PTPRD: variants seen among roughly 807,000 people sequenced by gnomAD.
The protein encoded by PTPRD is protein tyrosine phosphatase receptor type D, also known as receptor-type tyrosine-protein phosphatase delta.
Under a neutral mutation model 214.5 loss-of-function variants are expected in PTPRD, and 34 were observed. The observed-to-expected ratio is 0.16, with a 90% CI of 0.12 to 0.21. The LOEUF (loss-of-function observed/expected upper bound fraction) is 0.21. PTPRD is among the 10% of genes least tolerant of loss of function. The pLI is 1.00. For missense variants in PTPRD, 2,545 were observed against 2,398.7 expected, an observed-to-expected ratio of 1.06 and a Z score of -1.27; for synonymous variants, 1,128 against 845.7, an observed-to-expected ratio of 1.33 and a Z score of -5.79.
chr9:8,518,368 C>T lies in PTPRD; in HGVS notation c.1023G>A (p.Leu341=), dbSNP rs1047278793. Residue 341 remains leucine, a synonymous_variant, in exon 21 of 46, where the codon CTG becomes CTA. Transcript: ENST00000381196. ...GCTCAGGGTTCCCAGAGTCCCACGT[C>T]AGTGTGATGCTTGTAGCTGTGCTCT... ...VTESTATSIT[L]TWDSGNPEPV... is the part of the protein sequence containing the mutation. 1 of 1,613,992 alleles carries T rather than the reference C, an allele frequency of 6.2e-7. No individual in the cohort carries two copies. Among genetic ancestry groups the T allele is most frequent in the Non-Finnish European group, 8.5e-7 (1 of 1,179,946 alleles).
At chr9:8,904,538 G>A (rs1329602504) in intron 11 of PTPRD, among the ~76,000 whole-genome samples, 2 of 151,996 alleles carry the variant, frequency 1.3e-5, no homozygotes, top group East Asian at 1.9e-4. Flanking sequence ...CAGCTATGGT[G>A]GCGCATGCCT....
chr9:9,336,249 G>A (rs571665402), intron 9 of PTPRD, among the ~76,000 whole-genome samples: 3 of 151,912 alleles, frequency 2.0e-5, no homozygotes, highest in African/African-American at 4.9e-5. Flanking sequence ...TAGCTCTGAT[G>A]TTATCTCTGG....
rs558429762 is a variant in PTPRD, at chr9:8,913,727, A to G, written c.-104+104970T>C. Among the ~76,000 whole-genome samples the G allele has an allele frequency of 4.2e-4, 64 of 152,242 alleles. 2 individuals are homozygous for G. The South Asian group carries it at 0.013, about 32-fold the overall frequency. On this transcript the variant is annotated intron_variant, in intron 11 of 45. Coordinates refer to ENST00000381196, the MANE Select transcript of PTPRD (RefSeq NM_002839.4). Reference sequence around the variant, plus strand: ...GTCTTCCAAATGAAGAGTGACTAGAAAGAGTGAAGAAATTCATGCTATCAA... The same window carrying G: ...GTCTTCCAAATGAAGAGTGACTAGAGAGAGTGAAGAAATTCATGCTATCAA...
intron 3 of PTPRD, among the ~76,000 whole-genome samples, chr9:10,093,198 G>A (rs1335475964): frequency 6.6e-6 from 1 of 151,352 alleles, no homozygotes; most frequent in African/African-American, 2.4e-5. Flanking sequence ...AGCAAACTAT[G>A]CATCAAGAAA....
At chr9:8,776,308 G>A (rs1280688787) in intron 11 of PTPRD, among the ~76,000 whole-genome samples, 2 of 152,092 alleles carry the variant, frequency 1.3e-5, no homozygotes, top group African/African-American at 2.4e-5. Flanking sequence ...AGGCATTTTT[G>A]TTTTTATTTT....
intron 9 of PTPRD, among the ~76,000 whole-genome samples, chr9:9,319,522 T>G (rs1302222430): frequency 6.6e-6 from 1 of 152,188 alleles, no homozygotes; most frequent in Non-Finnish European, 1.5e-5. Flanking sequence ...TTCTGGTAAT[T>G]TAAATGTTAT....
intron 5 of PTPRD, among the ~76,000 whole-genome samples, chr9:9,774,805 A>C (rs147018790): frequency 6.6e-6 from 1 of 152,144 alleles, no homozygotes; most frequent in Admixed American, 6.5e-5. Context: ...CGTTTTGTTA[A>C]CATATTGTAA....
At chr9:9,282,096 TAAGG>T (rs79541900) in intron 9 of PTPRD, among the ~76,000 whole-genome samples, 19,633 of 150,762 alleles carry the variant, frequency 0.13, 1,594 homozygotes, top group Middle Eastern at 0.2. Context: ...TTACCCAGAG[TAAGG>T]AAGGAAGAAT....
At chr9:9,609,647 G>A (rs1311022082) in intron 7 of PTPRD, among the ~76,000 whole-genome samples, 2 of 152,148 alleles carry the variant, frequency 1.3e-5, no homozygotes, top group African/African-American at 4.8e-5. Flanking sequence ...ATTTTTAGTA[G>A]AGATGGGGTT....
chr9:8,722,123 C>CTGTGTGTGTG (rs34720946), intron 12 of PTPRD, among the ~76,000 whole-genome samples: 1,655 of 147,444 alleles, frequency 0.011, 19 homozygotes, highest in African/African-American at 0.013. Context: ...AAGTATTACT[C>CTGTGTGTGTG]TGTGTGTGTG....
chr9:9,733,488 T>G (rs918890927), intron 7 of PTPRD, among the ~76,000 whole-genome samples: 6 of 152,166 alleles, frequency 3.9e-5, no homozygotes, highest in Non-Finnish European at 7.3e-5. Flanking sequence ...AGTGTGAACT[T>G]GAAGGATGAA....
At chr9:9,069,225 T>C (rs1276298397) in intron 10 of PTPRD, among the ~76,000 whole-genome samples, 1 of 152,104 alleles carries the variant, frequency 6.6e-6, no homozygotes, top group Admixed American at 6.5e-5. Flanking sequence ...TAAATGAAAA[T>C]AGCCCCAAAT....
In PTPRD at chr9:8,359,715, C is replaced by T. The variant is rs572600423; in HGVS notation, c.4661+16221G>A. On this transcript the variant is annotated intron_variant, in intron 39 of 45. Coordinates refer to ENST00000381196, the MANE Select transcript of PTPRD (RefSeq NM_002839.4). ...AGCCACCCATCAAGCCATTCTCTTG[C>T]ATTTTACAGGTGGAGAGACTCAGGA... Among the ~76,000 whole-genome samples, 12 of 152,260 alleles carry T rather than the reference C, an allele frequency of 7.9e-5. 2 individuals carry two copies. Among genetic ancestry groups the T allele is most frequent in the Admixed American group, 4.6e-4 (7 of 15,292 alleles).
intron 14 of PTPRD, among the ~76,000 whole-genome samples, chr9:8,558,313 A>C (rs1398796259): frequency 6.6e-6 from 1 of 152,226 alleles, no homozygotes; most frequent in Admixed American, 6.5e-5. Flanking sequence ...CTTGCCAGGA[A>C]GAATAAACAT....
chr9:8,669,017 T>G (rs2097223379), intron 12 of PTPRD, among the ~76,000 whole-genome samples: 1 of 151,930 alleles, frequency 6.6e-6, no homozygotes, highest in Admixed American at 6.6e-5. Flanking sequence ...CTGAACAGCT[T>G]TGTGGGGAGT....
chr9:9,721,143 T>A (rs1400201160), intron 7 of PTPRD, among the ~76,000 whole-genome samples: 1 of 148,214 alleles, frequency 6.7e-6, no homozygotes. Flanking sequence ...AAAGTAAAAA[T>A]TAAATAAAAT....
At chr9:10,418,380 TC>T (rs1319851418) in intron 2 of PTPRD, among the ~76,000 whole-genome samples, 1 of 151,168 alleles carries the variant, frequency 6.6e-6, no homozygotes, top group African/African-American at 2.4e-5. Flanking sequence ...AAAGTAGGAT[TC>T]CATTGTGAGA....
At chr9:8,632,963 G>A (rs895214345) in intron 14 of PTPRD, among the ~76,000 whole-genome samples, 86 of 151,982 alleles carry the variant, frequency 5.7e-4, no homozygotes, top group South Asian at 1.7e-3. Flanking sequence ...TGTAAAAAAC[G>A]TAGCTGCTGA....
chr9:8,479,428 T>G (rs1446283869), intron 30 of PTPRD, among the ~76,000 whole-genome samples: 2 of 152,248 alleles, frequency 1.3e-5, no homozygotes, highest in African/African-American at 4.8e-5. Context: ...ATAGTTTGCT[T>G]TCTTTTTCTG....
Sources: allele counts gnomAD v4.1 joint callset (sites outside exome capture counted in the v4.1 genomes callset), GRCh38; gene constraint gnomAD v4.1.1; transcripts MANE v1.5; gene names NCBI Gene and HGNC (gene_info 2026-07-23, HGNC 2026-07-21).